The following MSH3 variants were observed in gnomAD, a reference collection of about 807,000 sequenced individuals.
The protein encoded by MSH3 is mutS homolog 3, also known as DNA mismatch repair protein Msh3.
MSH3 carries 106 observed loss-of-function variants against 123.3 expected under a neutral mutation model. The observed-to-expected ratio is 0.86, with a 90% CI of 0.73 to 1.01. The LOEUF is 1.01. MSH3 is among the 50% of genes least tolerant of loss of function. The probability of loss-of-function intolerance (pLI) is 0.00; values close to 1 mark genes in which losing one functional copy is unlikely to be tolerated. For missense variants in MSH3, 1,459 were observed against 1,347.6 expected (o/e 1.08, Z -1.29); for synonymous variants, 515 against 481.4 (o/e 1.07, Z -0.91).
intron 21 of MSH3, among the ~76,000 whole-genome samples, chr5:80,858,914 T>C (rs954333336): frequency 5.9e-5 from 9 of 152,268 alleles, no homozygotes; most frequent in African/African-American, 2.2e-4. Context: ...GTTAAGGATA[T>C]TATGTCTTCT....
rs1255740947 is a variant in MSH3 at position 80,672,291 on chromosome 5, T to C, written c.840T>C (p.Phe280=). 6 of 1,613,980 alleles carry C rather than the reference T, an allele frequency of 3.7e-6. No individual in the cohort carries two copies. The highest frequency in any genetic ancestry group is 5.1e-6 in the Non-Finnish European group (6 of 1,179,986). Reference sequence around the variant, plus strand: ...TTTATTGCCATTTAGATCACAACTTTATGACAGCAAGTATACCTACTCACA... The same window carrying C: ...TTTATTGCCATTTAGATCACAACTTCATGACAGCAAGTATACCTACTCACA... The part of the protein sequence containing the change: ...LNIYCHLDHN[F]MTASIPTHRL... The change falls in exon 5 of 24, where the codon TTT becomes TTC. Residue 280 remains phenylalanine (F), a synonymous_variant. Coordinates refer to ENST00000265081, the MANE Select transcript of MSH3 (RefSeq NM_002439.5).
intron 9 of MSH3, among the ~76,000 whole-genome samples, chr5:80,726,009 T>A (rs1416920724): frequency 6.6e-6 from 1 of 152,266 alleles, no homozygotes; most frequent in Admixed American, 6.5e-5. Context: ...TTTTATAGAC[T>A]GTTTGGATGA....
At chr5:80,818,969 C>T (rs1437485318) in intron 20 of MSH3, among the ~76,000 whole-genome samples, 1 of 152,036 alleles carries the variant, frequency 6.6e-6, no homozygotes, top group Admixed American at 6.6e-5. Context: ...TCAAACTGTG[C>T]GTATGAAATC....
chr5:80,712,751 T>G (rs1750883995), intron 8 of MSH3, among the ~76,000 whole-genome samples: 1 of 152,154 alleles, frequency 6.6e-6, no homozygotes, highest in African/African-American at 2.4e-5. Flanking sequence ...CACGATGTGA[T>G]CTGTTTTCTT....
intron 21 of MSH3, among the ~76,000 whole-genome samples, chr5:80,860,300 A>G (rs113369383): frequency 0.011 from 1,650 of 152,264 alleles, 27 homozygotes; most frequent in African/African-American, 0.038. Flanking sequence ...CCTTCCTTCT[A>G]AAGAACTTTC....
chr5:80,670,192 C>T lies in MSH3; in HGVS notation c.675C>T (p.Ser225=). Residue 225 remains serine (S), a synonymous_variant, in exon 4 of 24, where the codon TCC becomes TCT. Coordinates refer to ENST00000265081, the MANE Select transcript of MSH3 (RefSeq NM_002439.5). Reference sequence around the variant, plus strand: ...CTTCCAAATCAGCTAACAAACGGTCCAAAAGCATCTATACGCCGCTAGAAT... The same window carrying T: ...CTTCCAAATCAGCTAACAAACGGTCTAAAAGCATCTATACGCCGCTAGAAT... ...KTASKSANKR[S]KSIYTPLELQ... is the part of the protein sequence containing the mutation. 6.2e-7 allele frequency: 1 copy of T among 1,614,052 alleles called. No homozygotes were observed. Among genetic ancestry groups the T allele is most frequent in the Non-Finnish European group, 8.5e-7 (1 of 1,180,004 alleles).
chr5:80,854,041 T>A (rs1745874616), intron 20 of MSH3, 89 bp from the exon 21 acceptor site: 4 of 1,039,806 alleles, frequency 3.8e-6, no homozygotes, highest in Non-Finnish European at 4.4e-6. Context: ...TTCTTAGTGA[T>A]CTTTTATATT....
intron 21 of MSH3, among the ~76,000 whole-genome samples, 170 bp from the exon 22 acceptor site, chr5:80,864,643 A>G (rs987265785): frequency 6.6e-6 from 1 of 152,184 alleles, no homozygotes; most frequent in African/African-American, 2.4e-5. Context: ...GAAATATGGT[A>G]AAATATTAAC....
intron 19 of MSH3, among the ~76,000 whole-genome samples, chr5:80,807,004 A>G (rs1337652651): frequency 6.6e-6 from 1 of 151,902 alleles, no homozygotes; most frequent in Non-Finnish European, 1.5e-5. Flanking sequence ...GGAGTTCAAG[A>G]CCAGCCTGGG....
intron 17 of MSH3, among the ~76,000 whole-genome samples, chr5:80,779,716 G>T (rs902578900): frequency 6.6e-6 from 1 of 151,038 alleles, no homozygotes; most frequent in Non-Finnish European, 1.5e-5. Context: ...ACACCGCCAC[G>T]CCCTGCTAAT....
At chr5:80,757,449 G>A (rs1220148664) in intron 12 of MSH3, among the ~76,000 whole-genome samples, 1 of 152,102 alleles carries the variant, frequency 6.6e-6, no homozygotes. Flanking sequence ...GTTTCTGAGT[G>A]ACAGCCACAC....
intron 19 of MSH3, among the ~76,000 whole-genome samples, chr5:80,804,421 C>G (rs768827891): frequency 6.6e-6 from 1 of 152,208 alleles, no homozygotes; most frequent in Non-Finnish European, 1.5e-5. Flanking sequence ...GGAAGGCTTT[C>G]CAAGTATTCA....
At chr5:80,729,436 G>T (rs1338253962) in intron 10 of MSH3, among the ~76,000 whole-genome samples, 1 of 106,078 alleles carries the variant, frequency 9.4e-6, no homozygotes, top group Non-Finnish European at 2.0e-5. Context: ...AAAAATGTGT[G>T]TGTGTGTGTG....
intron 8 of MSH3, among the ~76,000 whole-genome samples, chr5:80,724,502 A>G (rs1197016751): frequency 1.3e-5 from 2 of 152,186 alleles, no homozygotes; most frequent in Non-Finnish European, 2.9e-5. Context: ...GAGATGATAA[A>G]GAAAGAAGAG....
intron 12 of MSH3, 147 bp downstream of exon 12, chr5:80,744,762 T>TC: frequency 1.5e-6 from 1 of 686,960 alleles, no homozygotes; most frequent in Non-Finnish European, 2.6e-6. Flanking sequence ...ATAGACTGGC[T>TC]CTCTAGTATT....
chr5:80,690,432 C>T (rs533776521), intron 8 of MSH3, among the ~76,000 whole-genome samples: 4 of 152,092 alleles, frequency 2.6e-5, no homozygotes, highest in Non-Finnish European at 5.9e-5. Flanking sequence ...CTCAGACTCC[C>T]CAGTAGCTGG....
intron 1 of MSH3, among the ~76,000 whole-genome samples, chr5:80,655,996 A>G (rs1025824620): frequency 6.6e-6 from 1 of 152,214 alleles, no homozygotes; most frequent in Non-Finnish European, 1.5e-5. Context: ...TGCAGTGAAC[A>G]TGTCAAAAAT....
Position 80,852,481 on chromosome 5 carries a change from C to CA in MSH3, c.2814-1646dup, listed in dbSNP as rs1745846707. Among the ~76,000 whole-genome samples the CA allele has an allele frequency of 7.2e-5, 11 of 152,308 alleles. No individual in the cohort carries two copies. In the South Asian group the frequency reaches 2.1e-3, roughly 29 times the overall value. ...AGCTCACATCCTGCCACAATAAAGGCAAACAGTGGTAGACAGGGTGAACCA... is the reference window on the plus strand; with the variant it reads ...AGCTCACATCCTGCCACAATAAAGGCAAAACAGTGGTAGACAGGGTGAACCA... On this transcript the variant is annotated intron_variant, in intron 20 of 23. Coordinates refer to ENST00000265081, the MANE Select transcript of MSH3 (RefSeq NM_002439.5).
At chr5:80,695,894 T>C (rs922931446) in intron 8 of MSH3, among the ~76,000 whole-genome samples, 1 of 152,220 alleles carries the variant, frequency 6.6e-6, no homozygotes, top group African/African-American at 2.4e-5. Flanking sequence ...GAACCAGTGC[T>C]TTTTTGTATT....
Sources: allele counts gnomAD v4.1 joint callset (sites outside exome capture counted in the v4.1 genomes callset), GRCh38; gene constraint gnomAD v4.1.1; transcripts MANE v1.5; gene names NCBI Gene and HGNC (gene_info 2026-07-23, HGNC 2026-07-21).